The following GNA14 variants were observed in gnomAD, a reference collection of about 807,000 sequenced individuals.
GNA14 encodes G protein subunit alpha 14.
A neutral mutation model predicts 42.0 loss-of-function variants in GNA14; 50 were observed. The observed-to-expected ratio is 1.19, with a 90% confidence interval of 0.95 to 1.51. The LOEUF is 1.51. GNA14 is among the 40% of genes most tolerant of loss of function. The pLI is 0.00. For missense variants in GNA14, 473 were observed against 446.2 expected, an observed-to-expected ratio of 1.06 and a Z score of -0.54; for synonymous variants, 173 against 163.1, an observed-to-expected ratio of 1.06 and a Z score of -0.46.
intron 4 of GNA14, among the ~76,000 whole-genome samples, chr9:77,430,163 G>A (rs961651877): frequency 3.9e-5 from 6 of 152,206 alleles, no homozygotes; most frequent in African/African-American, 1.4e-4. Flanking sequence ...TCAAAAGGTT[G>A]AGCTTGAAGA....
chr9:77,518,534 A>T (rs1044575039), intron 2 of GNA14, among the ~76,000 whole-genome samples: 1 of 152,150 alleles, frequency 6.6e-6, no homozygotes, highest in South Asian at 2.1e-4. Context: ...GGTCTCCCAC[A>T]TGCCATCTTT....
At chr9:77,584,261 C>T (rs1468938242) in intron 1 of GNA14, among the ~76,000 whole-genome samples, 1 of 152,030 alleles carries the variant, frequency 6.6e-6, no homozygotes, top group Non-Finnish European at 1.5e-5. Context: ...GGAATATAGG[C>T]TTATAGTCAT....
intron 2 of GNA14, among the ~76,000 whole-genome samples, chr9:77,491,002 G>T (rs1282105429): frequency 6.6e-6 from 1 of 152,206 alleles, no homozygotes; most frequent in Non-Finnish European, 1.5e-5. Flanking sequence ...ATATAAAGGA[G>T]CCACATTTTT....
At chr9:77,613,922 G>GT (rs140152803) in intron 1 of GNA14, among the ~76,000 whole-genome samples, 2,964 of 152,308 alleles carry the variant, frequency 0.019, 102 homozygotes, top group African/African-American at 0.067. Flanking sequence ...TCTCCCAAAT[G>GT]TAAGGGAAGA....
chr9:77,423,935 G>A lies in GNA14; in HGVS notation c.*44C>T, dbSNP rs1351005168. ...CACTTGCAAATAAAACAAGGAGTTT[G>A]CAAATCACATCTTCTGTTATAGGGG... is the stretch of plus-strand genomic sequence containing the variant. On this transcript the variant is annotated 3_prime_UTR_variant, in exon 7 of 7. Coordinates refer to ENST00000341700, the MANE Select transcript of GNA14 (RefSeq NM_004297.4). The A allele has an allele frequency of 4.3e-6, 6 of 1,398,388 alleles. No homozygotes were observed. In the South Asian group the frequency reaches 8.8e-5, roughly 21 times the overall value. 86.6% of individuals were successfully genotyped at this position (1,398,388 alleles called of 1,614,324 possible). A position where few individuals can be genotyped will look rare whatever the true frequency, so the allele number is the denominator to read the frequency against.
chr9:77,482,573 C>T (rs1353752198), intron 2 of GNA14, among the ~76,000 whole-genome samples: 1 of 152,074 alleles, frequency 6.6e-6, no homozygotes, highest in Admixed American at 6.5e-5. Flanking sequence ...GTGGAGTTCT[C>T]TGTATTTCCT....
chr9:77,600,305 CGT>C (rs1823537215), intron 1 of GNA14, among the ~76,000 whole-genome samples: 1 of 152,200 alleles, frequency 6.6e-6, no homozygotes, highest in South Asian at 2.1e-4. Context: ...AAGACGGTCA[CGT>C]CCCTATTTTG....
intron 2 of GNA14, among the ~76,000 whole-genome samples, chr9:77,518,656 T>TTACC (rs1431817659): frequency 6.6e-6 from 1 of 152,192 alleles, no homozygotes; most frequent in Non-Finnish European, 1.5e-5. Context: ...CAACCACAAC[T>TTACC]TAACTATGCA....
At chr9:77,489,037 A>T (rs1259944176) in intron 2 of GNA14, among the ~76,000 whole-genome samples, 1 of 152,098 alleles carries the variant, frequency 6.6e-6, no homozygotes, top group Non-Finnish European at 1.5e-5. Flanking sequence ...GATAATAGAG[A>T]AGCAATTCAG....
chr9:77,441,520 A>C (rs188645474), intron 2 of GNA14, among the ~76,000 whole-genome samples: 2 of 152,340 alleles, frequency 1.3e-5, no homozygotes, highest in Non-Finnish European at 2.9e-5. Flanking sequence ...CACTTATTAT[A>C]GATAATAAAA....
intron 2 of GNA14, among the ~76,000 whole-genome samples, chr9:77,501,777 C>A (rs973630905): frequency 7.1e-6 from 1 of 140,986 alleles, no homozygotes; most frequent in African/African-American, 2.7e-5. Flanking sequence ...GTGGCATGAT[C>A]TCGGCTCACT....
chr9:77,611,867 T>G (rs1823739711), intron 1 of GNA14, among the ~76,000 whole-genome samples: 2 of 152,148 alleles, frequency 1.3e-5, no homozygotes, highest in Admixed American at 1.3e-4. Flanking sequence ...CTACACTGAC[T>G]TACCATTGTG....
At chr9:77,457,663 A>T (rs1479231945) in intron 2 of GNA14, among the ~76,000 whole-genome samples, 6 of 152,168 alleles carry the variant, frequency 3.9e-5, no homozygotes, top group Non-Finnish European at 8.8e-5. Context: ...TTTCCCATTG[A>T]CATGCCTTTT....
intron 1 of GNA14, among the ~76,000 whole-genome samples, chr9:77,557,539 C>G (rs1046919283): frequency 1.3e-5 from 2 of 152,166 alleles, no homozygotes; most frequent in African/African-American, 4.8e-5. Context: ...ATGAATGGCC[C>G]ACGCTTGGGA....
chr9:77,500,104 C>T (rs1836940885), intron 2 of GNA14, among the ~76,000 whole-genome samples: 1 of 151,748 alleles, frequency 6.6e-6, no homozygotes, highest in African/African-American at 2.4e-5. Flanking sequence ...CTCACTGCAA[C>T]CTCCACCTCC....
chr9:77,627,967 T>A (rs570014046), intron 1 of GNA14, among the ~76,000 whole-genome samples: 5 of 152,212 alleles, frequency 3.3e-5, no homozygotes, highest in Non-Finnish European at 7.3e-5. Flanking sequence ...TGTTTGCAGA[T>A]GACATGATTT....
chr9:77,438,912 G>A (rs1044058095), intron 2 of GNA14, among the ~76,000 whole-genome samples: 17 of 152,176 alleles, frequency 1.1e-4, no homozygotes, highest in Admixed American at 9.2e-4. Context: ...GGAAATAGGC[G>A]TGGACACAAC....
intron 1 of GNA14, among the ~76,000 whole-genome samples, chr9:77,624,030 C>T (rs1356852101): frequency 2.0e-5 from 3 of 152,176 alleles, no homozygotes; most frequent in African/African-American, 7.2e-5. Flanking sequence ...TTGAAATTCT[C>T]GCCACTAGCA....
chr9:77,563,654 CTG>C (rs1822918962), intron 1 of GNA14, among the ~76,000 whole-genome samples: 1 of 152,024 alleles, frequency 6.6e-6, no homozygotes, highest in Non-Finnish European at 1.5e-5. Context: ...ATAGGAGAAA[CTG>C]GGCTGCTGTT....
Sources: allele counts gnomAD v4.1 joint callset (sites outside exome capture counted in the v4.1 genomes callset), GRCh38; gene constraint gnomAD v4.1.1; transcripts MANE v1.5; gene names NCBI Gene and HGNC (gene_info 2026-07-23, HGNC 2026-07-21).